Variants in PTBP2 observed in about 807,000 individuals in gnomAD.
PTBP2 encodes polypyrimidine tract-binding protein 2.
Under a neutral mutation model 61.4 loss-of-function variants are expected in PTBP2, and 13 were observed. The observed-to-expected ratio is 0.21, with a 90% CI of 0.14 to 0.34. The LOEUF (loss-of-function observed/expected upper bound fraction) is 0.34. PTBP2 is among the 10% of genes least tolerant of loss of function. PTBP2 has a pLI of 1.00. For missense variants in PTBP2, 405 were observed against 642.6 expected (o/e 0.63, Z 4.00); for synonymous variants, 215 against 218.5 (o/e 0.98, Z 0.14).
chr1:96,752,402 GTGCT>G (rs1654662421), intron 3 of PTBP2, among the ~76,000 whole-genome samples: 1 of 152,070 alleles, frequency 6.6e-6, no homozygotes, highest in African/African-American at 2.4e-5. Flanking sequence ...TTAGGTAGCT[GTGCT>G]TAATGTATAC....
intron 2 of PTBP2, among the ~76,000 whole-genome samples, chr1:96,733,495 A>T (rs1468998119): frequency 1.3e-5 from 2 of 152,162 alleles, no homozygotes. Flanking sequence ...CCTGGTCCTC[A>T]TAGCAAGACC....
chr1:96,806,149 C>A (rs569017131), intron 9 of PTBP2, among the ~76,000 whole-genome samples: 1 of 152,138 alleles, frequency 6.6e-6, no homozygotes, highest in South Asian at 2.1e-4. Context: ...TTGTCTTTTC[C>A]CAAATGCCCA....
intron 2 of PTBP2, among the ~76,000 whole-genome samples, chr1:96,743,490 C>T (rs1223052269): frequency 1.3e-5 from 2 of 152,174 alleles, no homozygotes; most frequent in African/African-American, 2.4e-5. Context: ...ATCATCCTTT[C>T]ACCTAATAGT....
chr1:96,785,489 C>G (rs1318339376), intron 8 of PTBP2, among the ~76,000 whole-genome samples: 2 of 152,200 alleles, frequency 1.3e-5, no homozygotes, highest in East Asian at 3.9e-4. Flanking sequence ...TTCAGCTTCT[C>G]TTCCATGCCA....
chr1:96,786,545 T>C (rs1014446637), intron 8 of PTBP2, among the ~76,000 whole-genome samples: 3 of 152,206 alleles, frequency 2.0e-5, no homozygotes, highest in African/African-American at 7.2e-5. Context: ...GAGTGAAACA[T>C]GGTTTTTGCT....
chr1:96,734,903 C>CTTTTTTTTTT (rs369053938), intron 2 of PTBP2, among the ~76,000 whole-genome samples: 384 of 124,704 alleles, frequency 3.1e-3, no homozygotes, highest in African/African-American at 4.2e-3. Flanking sequence ...CTTTTTTTTT[C>CTTTTTTTTTT]TTTTTTTTTT....
At chr1:96,747,408 TTACA>T (rs1373258621) in intron 2 of PTBP2, among the ~76,000 whole-genome samples, 1 of 152,200 alleles carries the variant, frequency 6.6e-6, no homozygotes, top group Non-Finnish European at 1.5e-5. Context: ...TTAAAAATCC[TTACA>T]TACTCAGAGT....
At position 96,803,994 on chromosome 1, in the gene PTBP2, C is replaced by T. The variant is rs372804753; in HGVS notation, c.905-806C>T. Among the ~76,000 whole-genome samples, 27 of 152,108 alleles carry T rather than the reference C, an allele frequency of 1.8e-4. No homozygotes were observed. In the South Asian group the frequency reaches 5.2e-3, roughly 29 times the overall value. On this transcript the variant is annotated intron_variant, in intron 8 of 13. Transcript: ENST00000674951. ...TTGAAAAGTAGATGAACGGTGCTAA[C>T]ACAAAAGGGAATTCTGTCTAGAATA...
At chr1:96,755,880 T>G (rs1028491579) in intron 3 of PTBP2, among the ~76,000 whole-genome samples, 2 of 152,092 alleles carry the variant, frequency 1.3e-5, no homozygotes, top group African/African-American at 4.8e-5. Flanking sequence ...TCGGGAGTGA[T>G]GGACATATAA....
chr1:96,814,659 G>T lies in PTBP2; in HGVS notation c.*1254G>T, dbSNP rs1662370714. ...TTGAAATTGATGTACTTAGTTTCAA[G>T]ATTCATAGATTCTGTTATCTATGTA... is the stretch of plus-strand genomic sequence containing the variant. On this transcript the variant is annotated 3_prime_UTR_variant, in exon 14 of 14. Coordinates refer to ENST00000674951, the MANE Select transcript of PTBP2 (RefSeq NM_021190.4). 6.6e-6 allele frequency: 1 copy of T among 152,500 alleles called. No individual in the cohort carries two copies. Among genetic ancestry groups the T allele is most frequent in the South Asian group, 2.1e-4 (1 of 4,828 alleles). The allele number at this position is 152,500 out of a possible 1,614,324, so 9.4% of individuals were successfully genotyped here.
chr1:96,809,666 C>T (rs1009806753), intron 11 of PTBP2, among the ~76,000 whole-genome samples: 13 of 152,092 alleles, frequency 8.5e-5, no homozygotes, highest in Admixed American at 3.3e-4. Flanking sequence ...GCATGCACCA[C>T]CTGCCCGGCT....
At chr1:96,732,250 A>G (rs1488758562) in intron 2 of PTBP2, among the ~76,000 whole-genome samples, 1 of 152,174 alleles carries the variant, frequency 6.6e-6, no homozygotes, top group African/African-American at 2.4e-5. Context: ...AGTTGTGTGT[A>G]ACTGGTTGTT....
chr1:96,815,297 AT>A (rs141187927), downstream of PTBP2: 1 of 151,514 alleles, frequency 6.6e-6, no homozygotes, highest in Non-Finnish European at 1.5e-5. Flanking sequence ...TCTGCTAAAG[AT>A]TTCTTACTAA....
At position 96,728,641 on chromosome 1, in the gene PTBP2, T is replaced by G. The variant is rs1435024868; in HGVS notation, c.39+5047T>G. On this transcript the variant is annotated intron_variant, in intron 2 of 13. Transcript: ENST00000674951. The stretch of plus-strand genomic sequence containing the variant: ...TAGTCTTGGCCCTCCAACTCTGTTC[T>G]TTTTCAAAGTTGTTTTTAACTCTTC... 2.0e-5 allele frequency among the ~76,000 whole-genome samples: 3 copies of G among 152,192 alleles called. No homozygotes were observed. The East Asian group carries it at 5.8e-4, about 29-fold the overall frequency.
intron 3 of PTBP2, among the ~76,000 whole-genome samples, chr1:96,762,829 G>T (rs915462064): frequency 2.6e-5 from 4 of 151,046 alleles, no homozygotes; most frequent in African/African-American, 9.8e-5. Context: ...AGATGGGGCG[G>T]CTGCTGGGCG....
intron 11 of PTBP2, among the ~76,000 whole-genome samples, chr1:96,811,401 C>G (rs1236070044): frequency 6.6e-6 from 1 of 151,804 alleles, no homozygotes; most frequent in East Asian, 1.9e-4. Context: ...TTATCTGTAA[C>G]TCTACTGTTT....
chr1:96,784,946 C>A, intron 7 of PTBP2, 113 bp from the exon 8 acceptor site: 1 of 830,916 alleles, frequency 1.2e-6, no homozygotes, highest in South Asian at 2.0e-5. Context: ...AATCCTTTTC[C>A]TGGTAGCTTT....
At chr1:96,802,987 T>C (rs1406383227) in intron 8 of PTBP2, among the ~76,000 whole-genome samples, 2 of 152,156 alleles carry the variant, frequency 1.3e-5, no homozygotes, top group Non-Finnish European at 2.9e-5. Flanking sequence ...AATTGTTGTG[T>C]GTAGGAATGT....
At chr1:96,750,222 G>C (rs922537268) in intron 2 of PTBP2, among the ~76,000 whole-genome samples, 17 of 151,930 alleles carry the variant, frequency 1.1e-4, no homozygotes, top group Non-Finnish European at 2.4e-4. Context: ...TATTCAATTA[G>C]ATCTTAGGGA....
Sources: allele counts gnomAD v4.1 joint callset (sites outside exome capture counted in the v4.1 genomes callset), GRCh38; gene constraint gnomAD v4.1.1; transcripts MANE v1.5; gene names NCBI Gene and HGNC (gene_info 2026-07-23, HGNC 2026-07-21).